Variants in UBE2E3 observed in about 807,000 individuals in gnomAD.
UBE2E3 encodes the protein ubiquitin-conjugating enzyme E2 E3.
UBE2E3 carries 5 observed loss-of-function variants against 23.6 expected under a neutral mutation model. The observed-to-expected ratio is 0.21, with a 90% CI of 0.11 to 0.44. The LOEUF is 0.44. UBE2E3 is among the 20% of genes least tolerant of loss of function. UBE2E3 has a pLI of 0.99. For missense variants in UBE2E3, 81 were observed against 249.8 expected (o/e 0.32, Z 4.55); for synonymous variants, 78 against 87.5 (o/e 0.89, Z 0.60).
chr2:181,013,206 G>A (rs1203234180), intron 3 of UBE2E3, among the ~76,000 whole-genome samples: 2 of 152,128 alleles, frequency 1.3e-5, no homozygotes, highest in Non-Finnish European at 2.9e-5. Flanking sequence ...AACCATAGGA[G>A]TTGTGTTATC....
At chr2:181,060,903 G>A (rs1048870335) in intron 5 of UBE2E3, 91 bp downstream of exon 5, 16 of 1,125,468 alleles carry the variant, frequency 1.4e-5, no homozygotes, top group African/African-American at 2.1e-5. Context: ...AGCTTTAAAT[G>A]TAGATTGAGA....
intron 3 of UBE2E3, chr2:180,987,318 A>G (rs1051553770): frequency 1.3e-6 from 2 of 1,548,944 alleles, no homozygotes; most frequent in African/African-American, 2.7e-5. Context: ...TAAGACATTT[A>G]CTTTCCATCT....
rs561474218 is a variant in UBE2E3, at chr2:181,013,461, C to T, written c.245+29368C>T. Among the ~76,000 whole-genome samples, 104 of 150,376 alleles carry T rather than the reference C, an allele frequency of 6.9e-4. 1 individual carries two copies. Among genetic ancestry groups the T allele is most frequent in the African/African-American group, 2.4e-3 (101 of 41,274 alleles). On this transcript the variant is annotated intron_variant, in intron 3 of 5. Coordinates refer to ENST00000410062, the MANE Select transcript of UBE2E3 (RefSeq NM_006357.4). ...ACATAAAAAGCTGTTGGCAGAAGGTCTCAGTTCCTCACTGGCTGTTGGCAA... is the reference window on the plus strand; with the variant it reads ...ACATAAAAAGCTGTTGGCAGAAGGTTTCAGTTCCTCACTGGCTGTTGGCAA...
chr2:181,036,873 A>G (rs1484347267), intron 3 of UBE2E3, among the ~76,000 whole-genome samples: 5 of 152,210 alleles, frequency 3.3e-5, no homozygotes, highest in Non-Finnish European at 7.3e-5. Context: ...AATCTTGTTT[A>G]TGTCAATTAG....
At chr2:181,060,108 G>A (rs919727076) in intron 4 of UBE2E3, among the ~76,000 whole-genome samples, 1 of 151,642 alleles carries the variant, frequency 6.6e-6, no homozygotes, top group African/African-American at 2.4e-5. Context: ...TGAACCAGCT[G>A]TAGAAATAAA....
At chr2:181,054,234 T>C (rs1406734048) in intron 3 of UBE2E3, among the ~76,000 whole-genome samples, 1 of 151,856 alleles carries the variant, frequency 6.6e-6, no homozygotes, top group Non-Finnish European at 1.5e-5. Context: ...TACTGGATCT[T>C]ATGGTAAGAT....
At chr2:180,989,024 G>A (rs1034143551) in intron 3 of UBE2E3, among the ~76,000 whole-genome samples, 4 of 152,046 alleles carry the variant, frequency 2.6e-5, no homozygotes, top group African/African-American at 7.2e-5. Flanking sequence ...CCATTATGCC[G>A]TGGGTGGTCA....
chr2:181,004,597 C>T (rs929840343), intron 3 of UBE2E3, among the ~76,000 whole-genome samples: 3 of 151,864 alleles, frequency 2.0e-5, no homozygotes, highest in African/African-American at 7.3e-5. Context: ...TGTGCCACCG[C>T]ACCCCAGTCT....
chr2:181,030,589 A>T (rs1686045206), intron 3 of UBE2E3, among the ~76,000 whole-genome samples: 2 of 152,052 alleles, frequency 1.3e-5, no homozygotes, highest in South Asian at 4.2e-4. Flanking sequence ...AAAAAAAATT[A>T]TTTTTTTATT....
chr2:181,014,879 T>G (rs543573451), intron 3 of UBE2E3, among the ~76,000 whole-genome samples: 1 of 152,300 alleles, frequency 6.6e-6, no homozygotes, highest in African/African-American at 2.4e-5. Flanking sequence ...CGAGCTACTT[T>G]GAAATATATA....
At chr2:181,025,264 C>T (rs1172678265) in intron 3 of UBE2E3, among the ~76,000 whole-genome samples, 2 of 151,812 alleles carry the variant, frequency 1.3e-5, no homozygotes, top group East Asian at 3.9e-4. Flanking sequence ...TTAAATAGAC[C>T]ACAGAAACCT....
At chr2:180,981,136 C>G (rs1459844736) in intron 1 of UBE2E3, 163 bp downstream of exon 1, 1 of 145,590 alleles carries the variant, frequency 6.9e-6, no homozygotes, top group African/African-American at 2.5e-5. Context: ...ACTTGGCGCC[C>G]GGCGCGGCGA....
chr2:181,051,199 T>C (rs1036449806), intron 3 of UBE2E3, among the ~76,000 whole-genome samples: 3 of 151,932 alleles, frequency 2.0e-5, no homozygotes, highest in African/African-American at 4.8e-5. Flanking sequence ...TTAAATTACA[T>C]GTTTAATCCT....
chr2:181,006,920 T>C lies in UBE2E3; in HGVS notation c.245+22827T>C, dbSNP rs368917272. On this transcript the variant is annotated intron_variant, in intron 3 of 5. Transcript: ENST00000410062. ...TCAATTTCTCAGAGTAAAATTACTT[T>C]AAAAGCCATGCAGAATTTATAATAC... Among the ~76,000 whole-genome samples the C allele has an allele frequency of 2.0e-5, 3 of 152,232 alleles. No individual in the cohort carries two copies. In the East Asian group the frequency reaches 5.8e-4, roughly 29 times the overall value.
At chr2:181,021,173 G>A (rs543726652) in intron 3 of UBE2E3, among the ~76,000 whole-genome samples, 3 of 152,278 alleles carry the variant, frequency 2.0e-5, no homozygotes, top group South Asian at 2.1e-4. Context: ...TTGCGACTAC[G>A]AAACATGAGA....
intron 3 of UBE2E3, among the ~76,000 whole-genome samples, chr2:180,991,667 G>A (rs1328107492): frequency 6.6e-6 from 1 of 152,022 alleles, no homozygotes; most frequent in Non-Finnish European, 1.5e-5. Context: ...TGTTTTTTTA[G>A]CTCATCAGCT....
intron 2 of UBE2E3, among the ~76,000 whole-genome samples, chr2:180,982,595 A>G (rs1336051808): frequency 6.6e-6 from 1 of 152,190 alleles, no homozygotes; most frequent in East Asian, 1.9e-4. Flanking sequence ...CTTTAATGAA[A>G]TTGACACTTC....
At chr2:181,015,694 C>G (rs190413277) in intron 3 of UBE2E3, among the ~76,000 whole-genome samples, 38 of 151,926 alleles carry the variant, frequency 2.5e-4, no homozygotes, top group Middle Eastern at 3.4e-3. Flanking sequence ...TAGGAAAAAT[C>G]GACATTTAAA....
intron 3 of UBE2E3, among the ~76,000 whole-genome samples, chr2:181,029,506 G>C (rs1686004017): frequency 6.6e-6 from 1 of 151,740 alleles, no homozygotes. Flanking sequence ...TACATCTTTT[G>C]CTAAATTTAT....
Sources: allele counts gnomAD v4.1 joint callset (sites outside exome capture counted in the v4.1 genomes callset), GRCh38; gene constraint gnomAD v4.1.1; transcripts MANE v1.5; gene names NCBI Gene and HGNC (gene_info 2026-07-23, HGNC 2026-07-21).